The following AGBL1 variants were observed in gnomAD, a reference collection of about 807,000 sequenced individuals.
The protein encoded by AGBL1 is cytosolic carboxypeptidase 4.
In AGBL1, 130 loss-of-function variants were observed where a neutral mutation model predicts 118.9. The ratio of observed to expected loss-of-function variants is 1.09; its 90% confidence interval spans 0.95 to 1.26. The LOEUF is 1.26. AGBL1 is among the 50% of genes most tolerant of loss of function. The pLI is 0.00. For missense variants in AGBL1, 1,584 were observed against 1,298.1 expected, an observed-to-expected ratio of 1.22 and a Z score of -3.38; for synonymous variants, 555 against 478.9, an observed-to-expected ratio of 1.16 and a Z score of -2.08.
chr15:86,896,888 T>C (rs2080137064), intron 22 of AGBL1, among the ~76,000 whole-genome samples: 1 of 151,414 alleles, frequency 6.6e-6, no homozygotes, highest in African/African-American at 2.4e-5. Context: ...TGTGAGATCT[T>C]CACTATATCA....
In AGBL1 at chr15:86,636,746, T is replaced by C. The variant is rs1382531200; in HGVS notation, c.2995-37527T>C. On this transcript the variant is annotated intron_variant, in intron 21 of 22. Transcript: ENST00000614907. ...ATATATATATATATATATATATATA[T>C]ATATATATATATACACATACATACA... Among the ~76,000 whole-genome samples, 534 of 56,162 alleles carry C rather than the reference T, an allele frequency of 9.5e-3. 32 individuals carry two copies. Among genetic ancestry groups the C allele is most frequent in the African/African-American group, 0.039 (415 of 10,686 alleles). 36.8% of individuals were successfully genotyped at this position (56,162 alleles called of 152,430 possible).
At chr15:86,989,695 T>C (rs1307306119) in intron 24 of AGBL1, among the ~76,000 whole-genome samples, 1 of 152,176 alleles carries the variant, frequency 6.6e-6, no homozygotes, top group Admixed American at 6.5e-5. Context: ...TAATATGACA[T>C]ATGACAATGT....
At chr15:86,862,347 G>A (rs1222751864) in intron 22 of AGBL1, among the ~76,000 whole-genome samples, 1 of 152,250 alleles carries the variant, frequency 6.6e-6, no homozygotes, top group African/African-American at 2.4e-5. Flanking sequence ...TGCTCAAATT[G>A]TTTATGATAT....
At chr15:86,797,179 T>C (rs898430271) in intron 22 of AGBL1, among the ~76,000 whole-genome samples, 1 of 152,248 alleles carries the variant, frequency 6.6e-6, no homozygotes, top group Non-Finnish European at 1.5e-5. Context: ...CATAGTAGTA[T>C]TCACTCCGTG....
chr15:86,114,830 G>A (rs1229677596), intron 1 of AGBL1, among the ~76,000 whole-genome samples: 1 of 152,172 alleles, frequency 6.6e-6, no homozygotes, highest in Non-Finnish European at 1.5e-5. Context: ...GAGATGCTGA[G>A]GTCCAACGCT....
At position 86,389,646 on chromosome 15, in the gene AGBL1, A is replaced by G. The variant is rs564963019; in HGVS notation, c.2375-7720A>G. Reference sequence around the variant, plus strand: ...ATCAATATTGACTTTATTACACAATAAATGTAAATGTCTTATGGATTTTAG... The same window carrying G: ...ATCAATATTGACTTTATTACACAATGAATGTAAATGTCTTATGGATTTTAG... On this transcript the variant is annotated intron_variant, in intron 17 of 22. Coordinates refer to ENST00000614907, the MANE Select transcript of AGBL1 (RefSeq NM_001386094.1). Among the ~76,000 whole-genome samples the G allele has an allele frequency of 2.1e-4, 32 of 152,310 alleles. No individual in the cohort carries two copies. The South Asian group carries it at 5.6e-3, about 27-fold the overall frequency.
intron 7 of AGBL1, among the ~76,000 whole-genome samples, chr15:86,248,566 G>A (rs902927198): frequency 6.6e-6 from 1 of 152,146 alleles, no homozygotes; most frequent in East Asian, 1.9e-4. Context: ...CAAAACCTAG[G>A]TTGTTGTGTG....
At chr15:87,024,496 A>C (rs1409201417) in intron 24 of AGBL1, among the ~76,000 whole-genome samples, 1 of 151,986 alleles carries the variant, frequency 6.6e-6, no homozygotes, top group Non-Finnish European at 1.5e-5. Flanking sequence ...AAAAATTACC[A>C]ATGAAACAAG....
intron 17 of AGBL1, among the ~76,000 whole-genome samples, chr15:86,357,918 A>G (rs572325668): frequency 3.1e-4 from 47 of 152,240 alleles, no homozygotes; most frequent in Middle Eastern, 3.4e-3. Context: ...AATTCTATAT[A>G]TTTAAGAGGT....
chr15:86,341,130 C>T (rs1307701245), intron 17 of AGBL1, among the ~76,000 whole-genome samples: 1 of 152,226 alleles, frequency 6.6e-6, no homozygotes, highest in Non-Finnish European at 1.5e-5. Flanking sequence ...CCTTTTCTGA[C>T]ACACCTGTGT....
chr15:86,300,635 A>G (rs1043950402), intron 17 of AGBL1, among the ~76,000 whole-genome samples: 6 of 152,224 alleles, frequency 3.9e-5, no homozygotes, highest in Non-Finnish European at 8.8e-5. Flanking sequence ...ACAGCAAAGC[A>G]TAACCTTTCT....
chr15:86,474,710 C>G (rs1055022726), intron 18 of AGBL1, among the ~76,000 whole-genome samples: 2 of 152,210 alleles, frequency 1.3e-5, no homozygotes, highest in African/African-American at 4.8e-5. Context: ...CCCTGTCTGA[C>G]AGCTTTGAAG....
At chr15:86,134,504 G>C (rs1262659586) in intron 1 of AGBL1, among the ~76,000 whole-genome samples, 1 of 150,948 alleles carries the variant, frequency 6.6e-6, no homozygotes, top group Non-Finnish European at 1.5e-5. Context: ...TTTTTTCCCA[G>C]TCTAGTAAAA....
chr15:86,556,367 T>C (rs759819498), intron 21 of AGBL1: 24 of 1,275,206 alleles, frequency 1.9e-5, no homozygotes, highest in Non-Finnish European at 2.7e-5. Context: ...GAGGGAGAAC[T>C]GGCTAGAGAA....
At position 86,279,588 on chromosome 15, in the gene AGBL1, C is replaced by A. The variant is rs145664380; in HGVS notation, c.2076-51C>A. 3.8e-4 allele frequency: 594 copies of A among 1,571,646 alleles called. 1 individual carries two copies. Among genetic ancestry groups the A allele is most frequent in the Non-Finnish European group, 5.0e-4 (571 of 1,144,594 alleles). On this transcript the variant is annotated intron_variant, in intron 15 of 22. Transcript: ENST00000614907. ...TCTAGGACCCTAAATGACCCTGCACCCCCCTCCCACCTCTCCCTTATTCTC... is the reference window on the plus strand; with the variant it reads ...TCTAGGACCCTAAATGACCCTGCACACCCCTCCCACCTCTCCCTTATTCTC...
At chr15:86,840,068 T>C (rs1375971658) in intron 22 of AGBL1, among the ~76,000 whole-genome samples, 1 of 152,220 alleles carries the variant, frequency 6.6e-6, no homozygotes, top group Non-Finnish European at 1.5e-5. Flanking sequence ...GAGAAACATA[T>C]TTCAAAATTT....
At chr15:86,384,758 G>A (rs916757235) in intron 17 of AGBL1, among the ~76,000 whole-genome samples, 1 of 152,090 alleles carries the variant, frequency 6.6e-6, no homozygotes, top group African/African-American at 2.4e-5. Flanking sequence ...CCCATTATGT[G>A]AGCTCACTTT....
At chr15:86,833,116 A>C (rs2079128163) in intron 22 of AGBL1, among the ~76,000 whole-genome samples, 1 of 152,090 alleles carries the variant, frequency 6.6e-6, no homozygotes, top group Non-Finnish European at 1.5e-5. Context: ...CCCATGATTC[A>C]ATTGCTTCGC....
At chr15:86,196,736 C>T (rs1477523472) in intron 5 of AGBL1, among the ~76,000 whole-genome samples, 2 of 152,080 alleles carry the variant, frequency 1.3e-5, no homozygotes, top group African/African-American at 4.8e-5. Context: ...AAGATGGGGT[C>T]TTTAGGAGTA....
Sources: allele counts gnomAD v4.1 joint callset (sites outside exome capture counted in the v4.1 genomes callset), GRCh38; gene constraint gnomAD v4.1.1; transcripts MANE v1.5; gene names NCBI Gene and HGNC (gene_info 2026-07-23, HGNC 2026-07-21).